Variants in TEX36 observed in about 807,000 individuals in gnomAD.
The protein encoded by TEX36 is testis-expressed protein 36.
A neutral mutation model predicts 13.6 loss-of-function variants in TEX36; 12 were observed. The observed-to-expected ratio is 0.88, with a 90% CI of 0.56 to 1.43. The LOEUF (loss-of-function observed/expected upper bound fraction) is 1.43. TEX36 is among the 40% of genes most tolerant of loss of function. TEX36 has a pLI of 0.00. For missense variants in TEX36, 224 were observed against 228.3 expected, an observed-to-expected ratio of 0.98 and a Z score of 0.12; for synonymous variants, 93 against 83.0, an observed-to-expected ratio of 1.12 and a Z score of -0.65.
At chr10:125,588,534 T>C (rs563573742) in intron 3 of TEX36, among the ~76,000 whole-genome samples, 14 of 152,222 alleles carry the variant, frequency 9.2e-5, no homozygotes, top group African/African-American at 3.4e-4. Flanking sequence ...GGGGAAGCAA[T>C]GCAGCATGTG....
chr10:125,629,143 G>A (rs1846522829), intron 3 of TEX36, among the ~76,000 whole-genome samples: 1 of 152,208 alleles, frequency 6.6e-6, no homozygotes, highest in Admixed American at 6.5e-5. Context: ...ATTTCAGCCT[G>A]ATCTACATCA....
chr10:125,644,157 G>A lies in TEX36; in HGVS notation c.264+16864C>T, dbSNP rs1484554552. Among the ~76,000 whole-genome samples the A allele has an allele frequency of 2.6e-5, 4 of 152,230 alleles. No individual in the cohort carries two copies. In the East Asian group the frequency reaches 7.7e-4, roughly 29 times the overall value. On this transcript the variant is annotated intron_variant, in intron 3 of 3. Coordinates refer to the TEX36 transcript ENST00000526819. ...GACCTTAGAAATTAAAATGTTGTTT[G>A]GTTACAAGAAAACCTCTACAGGTTG...
downstream of TEX36, among the ~76,000 whole-genome samples, chr10:125,617,743 G>A (rs1164890115): frequency 1.3e-5 from 2 of 152,066 alleles, no homozygotes; most frequent in Non-Finnish European, 2.9e-5. Context: ...TTCAACTTTG[G>A]TGAATCTGAC....
intron 1 of TEX36, among the ~76,000 whole-genome samples, chr10:125,677,044 A>AT: frequency 6.6e-6 from 1 of 152,300 alleles, no homozygotes; most frequent in African/African-American, 2.4e-5. Flanking sequence ...TATGACCTGT[A>AT]AGGTTTCTGC....
At chr10:125,678,789 G>A (rs1255418383) in intron 1 of TEX36, among the ~76,000 whole-genome samples, 1 of 152,118 alleles carries the variant, frequency 6.6e-6, no homozygotes, top group African/African-American at 2.4e-5. Flanking sequence ...TACTCAAGGT[G>A]GTAGATGGGT....
chr10:125,680,758 T>C (rs17153386), intron 1 of TEX36, among the ~76,000 whole-genome samples: 8,035 of 152,296 alleles, frequency 0.053, 340 homozygotes, highest in South Asian at 0.21. Context: ...TTTATGCTCT[T>C]AGGTGCTGAC....
At chr10:125,675,244 C>T (rs906651384) in intron 1 of TEX36, among the ~76,000 whole-genome samples, 1 of 152,176 alleles carries the variant, frequency 6.6e-6, no homozygotes, top group Admixed American at 6.5e-5. Context: ...CCTCCTGGGT[C>T]CACATGGTCC....
intron 1 of TEX36, among the ~76,000 whole-genome samples, chr10:125,678,125 C>A (rs2133614341): frequency 6.6e-6 from 1 of 152,348 alleles, no homozygotes; most frequent in South Asian, 2.1e-4. Flanking sequence ...TTGCTATCTG[C>A]ACATCTGGTG....
chr10:125,643,981 A>G (rs890660307), intron 3 of TEX36, among the ~76,000 whole-genome samples: 8 of 152,218 alleles, frequency 5.3e-5, no homozygotes, highest in Admixed American at 5.2e-4. Flanking sequence ...AAACCAAGTC[A>G]CAAAATGTTT....
At chr10:125,586,311 A>G (rs1565167099) in intron 3 of TEX36, among the ~76,000 whole-genome samples, 1 of 152,204 alleles carries the variant, frequency 6.6e-6, no homozygotes, top group Non-Finnish European at 1.5e-5. Flanking sequence ...AAGTAAAATC[A>G]TTGGGTCAAA....
chr10:125,586,635 C>CAAAA lies in TEX36; in HGVS notation c.265-9765_265-9762dup, dbSNP rs35078105. Among the ~76,000 whole-genome samples the CAAAA allele has an allele frequency of 4.2e-4, 48 of 113,826 alleles. 1 individual carries two copies. Among genetic ancestry groups the CAAAA allele is most frequent in the African/African-American group, 5.4e-4 (15 of 27,660 alleles). 74.7% of individuals were successfully genotyped at this position (113,826 alleles called of 152,430 possible). On this transcript the variant is annotated intron_variant, in intron 3 of 3. Transcript: ENST00000532135. ...TGAAACTCCGTCTCTACTAAAAATC[C>CAAAA]AAAAAAAAAAAAAAAAAAAAAATTA...
At chr10:125,620,142 C>G (rs1409781597), downstream of TEX36, among the ~76,000 whole-genome samples, 1 of 152,062 alleles carries the variant, frequency 6.6e-6, no homozygotes, top group Non-Finnish European at 1.5e-5. Context: ...TAGGATTTGT[C>G]CTACTTGGGT....
At chr10:125,672,392 G>A (rs1290815370) in intron 1 of TEX36, among the ~76,000 whole-genome samples, 1 of 152,130 alleles carries the variant, frequency 6.6e-6, no homozygotes, top group Non-Finnish European at 1.5e-5. Context: ...TATTTTTCCA[G>A]GAGTCATTCA....
At chr10:125,636,384 T>TA (rs1231151898) in intron 3 of TEX36, among the ~76,000 whole-genome samples, 10 of 150,954 alleles carry the variant, frequency 6.6e-5, no homozygotes, top group East Asian at 3.9e-4. Flanking sequence ...TTTTTTTTTT[T>TA]TATATATTTT....
downstream of TEX36, among the ~76,000 whole-genome samples, chr10:125,619,184 T>G (rs1846397743): frequency 1.3e-5 from 2 of 151,284 alleles, no homozygotes; most frequent in Admixed American, 6.6e-5. Flanking sequence ...AGAATATCCG[T>G]TATTGGTTGA....
intron 3 of TEX36, among the ~76,000 whole-genome samples, chr10:125,598,163 T>G (rs1846104534): frequency 6.6e-6 from 1 of 152,154 alleles, no homozygotes; most frequent in South Asian, 2.1e-4. Context: ...CACACAGGTT[T>G]CCTAAGTCTC....
rs117113956 is a variant in TEX36 at position 125,577,910 on chromosome 10, G to T, written c.265-1036C>A. 7.1e-3 allele frequency among the ~76,000 whole-genome samples: 1,078 copies of T among 152,316 alleles called. 4 individuals carry two copies. The highest frequency in any genetic ancestry group is 0.021 in the Admixed American group (321 of 15,308). The stretch of plus-strand genomic sequence containing the variant: ...TGTGAGCAAAGAGAGGAGAAAGAAA[G>T]ATTAAAAAGGGCAGGTCTTGGTGAC... On this transcript the variant is annotated intron_variant, in intron 3 of 3. Coordinates refer to the TEX36 transcript ENST00000532135.
At chr10:125,667,106 T>C in intron 1 of TEX36, 1 of 893,958 alleles carries the variant, frequency 1.1e-6, no homozygotes, top group East Asian at 2.7e-5. Context: ...TTGAGGTTGA[T>C]GGATGCCTCC....
chr10:125,651,412 T>C (rs1846854205), downstream of TEX36, among the ~76,000 whole-genome samples: 3 of 152,276 alleles, frequency 2.0e-5, no homozygotes, highest in South Asian at 4.1e-4. Flanking sequence ...ATTATCTCAA[T>C]AGATGCAGAA....
Sources: gnomAD v4.1 joint callset for allele counts (sites outside exome capture counted in the v4.1 genomes callset) on GRCh38, gnomAD v4.1.1 for gene constraint, MANE v1.5 for transcripts, NCBI Gene and HGNC (gene_info 2026-07-23, HGNC 2026-07-21) for gene names.